JAZF1: variants seen among roughly 807,000 people sequenced by gnomAD.
JAZF1 encodes the protein JAZF zinc finger 1, also known as juxtaposed with another zinc finger protein 1.
Under a neutral mutation model 26.4 loss-of-function variants are expected in JAZF1, and 8 were observed. The ratio of observed to expected loss-of-function variants is 0.30; its 90% CI spans 0.18 to 0.55. JAZF1 has a LOEUF of 0.55. Ranked by LOEUF, JAZF1 falls within the 20% of genes least tolerant of loss-of-function variation. JAZF1 has a pLI of 0.94. For synonymous variants in JAZF1, 126 were observed against 122.3 expected (o/e 1.03, Z -0.20); for missense variants, 199 against 322.0 (o/e 0.62, Z 2.92).
chr7:27,921,643 T>C (rs1784531053), intron 2 of JAZF1, among the ~76,000 whole-genome samples: 1 of 152,194 alleles, frequency 6.6e-6, no homozygotes, highest in Admixed American at 6.5e-5. Context: ...AACTTCATAA[T>C]GGGTTGCAGT....
intron 1 of JAZF1, among the ~76,000 whole-genome samples, chr7:27,996,949 T>C (rs1183075640): frequency 2.6e-5 from 4 of 152,198 alleles, no homozygotes; most frequent in Non-Finnish European, 5.9e-5. Context: ...CAAGGGTATT[T>C]GTTTCCTTCA....
intron 2 of JAZF1, among the ~76,000 whole-genome samples, chr7:27,934,613 C>T (rs956825456): frequency 5.3e-5 from 8 of 152,150 alleles, no homozygotes; most frequent in Non-Finnish European, 8.8e-5. Flanking sequence ...CATATCCCAT[C>T]GGGTGGGGGG....
rs908897818 is a variant in JAZF1, at chr7:27,841,147, C to T, written c.386-280G>A. On this transcript the variant is annotated intron_variant, in intron 3 of 4. Transcript: ENST00000283928. ...AACATTAACTCGGTTCTATGGCAAC[C>T]CAGCCTGTGGCTGCAAAGGCACAGG... The T allele has an allele frequency of 1.5e-5, 5 of 338,514 alleles. No homozygotes were observed. In the Admixed American group the frequency reaches 1.8e-4, roughly 12 times the overall value. The allele number at this position is 338,514 out of a possible 1,614,324, so 21.0% of individuals were successfully genotyped here. A position where few individuals can be genotyped will look rare whatever the true frequency, so the allele number is the denominator to read the frequency against.
chr7:28,109,487 C>G (rs1419535791), intron 1 of JAZF1, among the ~76,000 whole-genome samples: 1 of 152,134 alleles, frequency 6.6e-6, no homozygotes, highest in Non-Finnish European at 1.5e-5. Flanking sequence ...CCCATAAACG[C>G]TCTCTCAAGG....
intron 2 of JAZF1, among the ~76,000 whole-genome samples, chr7:27,977,074 T>C (rs878968518): frequency 7.9e-5 from 12 of 152,244 alleles, no homozygotes; most frequent in African/African-American, 2.9e-4. Context: ...TCTGAAGTCA[T>C]TGTCTCTTAA....
At chr7:28,147,357 T>TA (rs1178540608) in intron 1 of JAZF1, among the ~76,000 whole-genome samples, 2 of 152,018 alleles carry the variant, frequency 1.3e-5, no homozygotes, top group Non-Finnish European at 2.9e-5. Context: ...TCTTTTTATA[T>TA]AAAAAAATTA....
chr7:27,906,085 C>CCACTT (rs1784251164), intron 2 of JAZF1, among the ~76,000 whole-genome samples: 5 of 152,252 alleles, frequency 3.3e-5, no homozygotes, highest in African/African-American at 1.2e-4. Flanking sequence ...CCAAACAGAA[C>CCACTT]TCTTAAATTT....
At chr7:27,855,178 G>C (rs1011212294) in intron 3 of JAZF1, among the ~76,000 whole-genome samples, 2 of 151,962 alleles carry the variant, frequency 1.3e-5, no homozygotes, top group Middle Eastern at 3.4e-3. Context: ...GTGTCAATGA[G>C]AACAAAGACA....
At chr7:28,133,320 T>C (rs1313860219) in intron 1 of JAZF1, among the ~76,000 whole-genome samples, 1 of 152,126 alleles carries the variant, frequency 6.6e-6, no homozygotes, top group Non-Finnish European at 1.5e-5. Context: ...TAAAATTAAA[T>C]TCAGAAAATG....
intron 1 of JAZF1, among the ~76,000 whole-genome samples, chr7:28,165,604 C>T (rs1338001163): frequency 6.6e-6 from 1 of 152,200 alleles, no homozygotes; most frequent in African/African-American, 2.4e-5. Flanking sequence ...ACACCAGATA[C>T]TCCAGTCTCA....
intron 2 of JAZF1, among the ~76,000 whole-genome samples, chr7:27,991,008 A>G (rs1282401279): frequency 6.6e-6 from 1 of 152,202 alleles, no homozygotes; most frequent in African/African-American, 2.4e-5. Flanking sequence ...AGGTGTCTCT[A>G]ATTCACAGCA....
At chr7:28,155,897 C>T (rs745699163) in intron 1 of JAZF1, among the ~76,000 whole-genome samples, 108 of 152,302 alleles carry the variant, frequency 7.1e-4, no homozygotes, top group Admixed American at 1.2e-3. Context: ...AATGCCTCTG[C>T]TTTTTGATCT....
intron 1 of JAZF1, 154 bp downstream of exon 1, chr7:28,180,309 C>T: frequency 3.9e-6 from 1 of 254,884 alleles, no homozygotes; most frequent in Non-Finnish European, 7.2e-6. Flanking sequence ...ACCTCGCGCC[C>T]CCGCATCCCG....
intron 2 of JAZF1, among the ~76,000 whole-genome samples, chr7:27,934,130 A>G (rs1362090246): frequency 6.6e-6 from 1 of 152,248 alleles, no homozygotes; most frequent in African/African-American, 2.4e-5. Flanking sequence ...CAGTTCTCAG[A>G]AGCCAGTATG....
At chr7:28,091,666 A>C (rs1219205777) in intron 1 of JAZF1, among the ~76,000 whole-genome samples, 1 of 150,352 alleles carries the variant, frequency 6.7e-6, no homozygotes. Context: ...ATATATATGC[A>C]CATGCAGAGA....
intron 2 of JAZF1, among the ~76,000 whole-genome samples, chr7:27,940,158 G>A (rs983888410): frequency 2.6e-5 from 4 of 152,154 alleles, no homozygotes; most frequent in African/African-American, 9.7e-5. Flanking sequence ...CATGCCCCCG[G>A]TACCATTCTC....
chr7:27,912,571 AG>A (rs1166137577), intron 2 of JAZF1, among the ~76,000 whole-genome samples: 1 of 152,182 alleles, frequency 6.6e-6, no homozygotes, highest in Non-Finnish European at 1.5e-5. Context: ...AGAGGGAGGA[AG>A]GAAGAGGGAA....
At chr7:28,135,697 G>A (rs1023982008) in intron 1 of JAZF1, among the ~76,000 whole-genome samples, 1 of 152,210 alleles carries the variant, frequency 6.6e-6, no homozygotes, top group African/African-American at 2.4e-5. Flanking sequence ...GATCAATAGT[G>A]AAGAGCATGA....
chr7:28,140,905 T>C (rs1330904258), intron 1 of JAZF1, among the ~76,000 whole-genome samples: 1 of 152,092 alleles, frequency 6.6e-6, no homozygotes, highest in Non-Finnish European at 1.5e-5. Flanking sequence ...AAGAGCCATA[T>C]AAGTGATGCT....
Sources: gnomAD v4.1 joint callset for allele counts (sites outside exome capture counted in the v4.1 genomes callset) on GRCh38, gnomAD v4.1.1 for gene constraint, MANE v1.5 for transcripts, NCBI Gene and HGNC (gene_info 2026-07-23, HGNC 2026-07-21) for gene names.